MRPL33: variants seen among roughly 807,000 people sequenced by gnomAD.
MRPL33 encodes large ribosomal subunit protein bL33m.
Under a neutral mutation model 10.1 loss-of-function variants are expected in MRPL33, and 5 were observed. The observed-to-expected ratio is 0.49, with a 90% CI of 0.26 to 1.04. The LOEUF is 1.04. MRPL33 is among the 50% of genes least tolerant of loss of function. The probability of loss-of-function intolerance (pLI) is 0.14; values close to 1 mark genes in which losing one functional copy is unlikely to be tolerated. For synonymous variants in MRPL33, 24 were observed against 27.7 expected, an observed-to-expected ratio of 0.87 and a Z score of 0.42; for missense variants, 79 against 78.1, an observed-to-expected ratio of 1.01 and a Z score of -0.04.
chr2:27,778,438 G>T (rs1420518802), intron 3 of MRPL33, among the ~76,000 whole-genome samples: 6 of 150,798 alleles, frequency 4.0e-5, no homozygotes, highest in African/African-American at 1.5e-4. Flanking sequence ...AATAGGTAGG[G>T]GTGTGTGTGT....
At chr2:27,773,320 A>T (rs1339468150) in intron 2 of MRPL33, among the ~76,000 whole-genome samples, 1 of 152,172 alleles carries the variant, frequency 6.6e-6, no homozygotes, top group Non-Finnish European at 1.5e-5. Context: ...AAATCCTTAA[A>T]GCTAGTCTTT....
intron 2 of MRPL33, among the ~76,000 whole-genome samples, chr2:27,773,835 A>G (rs890727705): frequency 3.9e-5 from 6 of 152,246 alleles, no homozygotes; most frequent in Admixed American, 2.0e-4. Flanking sequence ...CATGGTCTAC[A>G]TGGGGAGACA....
At chr2:27,771,846 G>A (rs1677053863) in intron 1 of MRPL33, 47 bp downstream of exon 1, 2 of 1,595,026 alleles carry the variant, frequency 1.3e-6, no homozygotes, top group South Asian at 2.2e-5. Context: ...GAGGGTTAGG[G>A]GGCCGTGACA....
In MRPL33 at chr2:27,772,254, C is replaced by T. The variant is rs148894081; in HGVS notation, c.23-420C>T. 1.8e-4 allele frequency: 43 copies of T among 237,188 alleles called. No homozygotes were observed. In the East Asian group the frequency reaches 4.0e-3, roughly 22 times the overall value. The allele number at this position is 237,188 out of a possible 1,614,324, so 14.7% of individuals were successfully genotyped here. A position where few individuals can be genotyped will look rare whatever the true frequency, so the allele number is the denominator to read the frequency against. ...GCTCTTCTTTACCCTTGGCTGACTT[C>T]CCAGTTAGATTTAGTATCTGGTTTT... On this transcript the variant is annotated intron_variant, in intron 1 of 3. Coordinates refer to ENST00000296102, the MANE Select transcript of MRPL33 (RefSeq NM_004891.4).
Position 27,771,771 on chromosome 2 carries a change from G to A in MRPL33, c.-7G>A. 1 of 1,614,144 alleles carries A rather than the reference G, an allele frequency of 6.2e-7. No individual in the cohort carries two copies. Among genetic ancestry groups the A allele is most frequent in the Non-Finnish European group, 8.5e-7 (1 of 1,179,982 alleles). On this transcript the variant is annotated 5_prime_UTR_variant, in exon 1 of 4. Coordinates refer to ENST00000296102, the MANE Select transcript of MRPL33 (RefSeq NM_004891.4). ...CCGGTGACGGAGACTGCCCAGGTGT[G>A]GTCACCATGTTCCTCTCCGCGGTCT...
At chr2:27,778,046 TAAAAAGATCCCTTATGTACAG>T (rs1677209591) in intron 3 of MRPL33, among the ~76,000 whole-genome samples, 1 of 152,242 alleles carries the variant, frequency 6.6e-6, no homozygotes, top group Non-Finnish European at 1.5e-5. Flanking sequence ...TGAAGTATGT[TAAAAAGATCCCTTATGTACAG>T]TGTATTAATA....
chr2:27,775,630 G>T (rs985584852), intron 3 of MRPL33, among the ~76,000 whole-genome samples: 1 of 152,110 alleles, frequency 6.6e-6, no homozygotes, highest in Non-Finnish European at 1.5e-5. Context: ...GGGATTACAG[G>T]TGTGAGCCAC....
At position 27,774,533 on chromosome 2, in the gene MRPL33, A is replaced by C; in HGVS notation, c.148+3A>C. The C allele has an allele frequency of 2.5e-6, 4 of 1,612,640 alleles. No individual in the cohort carries two copies. The highest frequency in any genetic ancestry group is 1.3e-5 in the African/African-American group (1 of 75,026). On this transcript the variant is annotated splice_donor_region_variant and intron_variant, in intron 3 of 3. Coordinates refer to ENST00000296102, the MANE Select transcript of MRPL33 (RefSeq NM_004891.4). ...TCTTTTGCATTATGATCCAGTTGGT[A>C]AGATCTGGGGAGGTTAATGCTTCCA...
intron 3 of MRPL33, among the ~76,000 whole-genome samples, chr2:27,777,215 T>C (rs903787258): frequency 1.3e-5 from 2 of 152,068 alleles, no homozygotes; most frequent in African/African-American, 4.8e-5. Flanking sequence ...GTTTTTTTTG[T>C]ACAGTGTCTT....
chr2:27,771,993 C>G (rs1053255441), intron 1 of MRPL33, 194 bp downstream of exon 1: 4 of 609,268 alleles, frequency 6.6e-6, no homozygotes, highest in African/African-American at 5.6e-5. Flanking sequence ...CTGTGGGTGC[C>G]TGAGAAGGGG....
intron 2 of MRPL33, among the ~76,000 whole-genome samples, chr2:27,773,082 A>G (rs1321940363): frequency 2.0e-5 from 3 of 152,140 alleles, no homozygotes; most frequent in South Asian, 4.1e-4. Flanking sequence ...AGAAGAACAA[A>G]CTCTGCTTTG....
intron 2 of MRPL33, among the ~76,000 whole-genome samples, chr2:27,773,707 AC>A (rs1677095318): frequency 6.6e-6 from 1 of 152,244 alleles, no homozygotes; most frequent in Admixed American, 6.5e-5. Flanking sequence ...TTAATTACAA[AC>A]AAATACTGTA....
chr2:27,779,663 A>G lies in MRPL33; in HGVS notation c.*181A>G, dbSNP rs766882024. ...GAAAGAAAGTTCTTCATATTAGGAC[A>G]GATATCATTGCATCACATTTATTTA... On this transcript the variant is annotated 3_prime_UTR_variant, in exon 4 of 4. Coordinates refer to ENST00000296102, the MANE Select transcript of MRPL33 (RefSeq NM_004891.4). The G allele has an allele frequency of 8.7e-7, 1 of 1,153,534 alleles. No homozygotes were observed. Among genetic ancestry groups the G allele is most frequent in the Non-Finnish European group, 1.2e-6 (1 of 834,274 alleles). The allele number at this position is 1,153,534 out of a possible 1,614,324, so 71.5% of individuals were successfully genotyped here.
chr2:27,771,777 C>T lies in MRPL33; in HGVS notation c.-1C>T, dbSNP rs1227372199. 3.7e-6 allele frequency: 6 copies of T among 1,613,992 alleles called. No individual in the cohort carries two copies. In the African/African-American group the frequency reaches 6.7e-5, roughly 18 times the overall value. ...ACGGAGACTGCCCAGGTGTGGTCAC[C>T]ATGTTCCTCTCCGCGGTCTTCTGTA... On this transcript the variant is annotated 5_prime_UTR_variant, in exon 1 of 4. Coordinates refer to ENST00000296102, the MANE Select transcript of MRPL33 (RefSeq NM_004891.4).
rs537107476 is a variant in MRPL33, at chr2:27,779,690, C to G, written c.*208C>G. ...ATATCATTGCATCACATTTATTTAT[C>G]TTTCTGGGTATTTTTATAGCCCTTA... On this transcript the variant is annotated 3_prime_UTR_variant, in exon 4 of 4. Transcript: ENST00000296102. 1.1e-6 allele frequency: 1 copy of G among 931,242 alleles called. No individual in the cohort carries two copies. The highest frequency in any genetic ancestry group is 2.4e-5 in the South Asian group (1 of 41,974). The allele number at this position is 931,242 out of a possible 1,614,324, so 57.7% of individuals were successfully genotyped here.
intron 3 of MRPL33, among the ~76,000 whole-genome samples, chr2:27,776,063 G>T (rs1677143744): frequency 6.6e-6 from 1 of 152,206 alleles, no homozygotes. Context: ...TAGTATGGAG[G>T]TATTAGGAAC....
At chr2:27,778,366 G>A (rs1343995313) in intron 3 of MRPL33, among the ~76,000 whole-genome samples, 2 of 152,018 alleles carry the variant, frequency 1.3e-5, no homozygotes, top group African/African-American at 4.8e-5. Flanking sequence ...TAAGTTCCTG[G>A]ATCTTCCTTG....
intron 2 of MRPL33, among the ~76,000 whole-genome samples, chr2:27,773,116 G>A (rs1452680815): frequency 6.6e-6 from 1 of 152,214 alleles, no homozygotes; most frequent in Non-Finnish European, 1.5e-5. Context: ...CTGTTTTAAT[G>A]AGTTTTGTAA....
At chr2:27,772,011 T>C in intron 1 of MRPL33, 5 of 545,390 alleles carry the variant, frequency 9.2e-6, no homozygotes, top group Non-Finnish European at 1.6e-5. Context: ...GGGTCTGCGG[T>C]GTCTGGATTC....
Sources: allele counts gnomAD v4.1 joint callset (sites outside exome capture counted in the v4.1 genomes callset), GRCh38; gene constraint gnomAD v4.1.1; transcripts MANE v1.5; gene names NCBI Gene and HGNC (gene_info 2026-07-23, HGNC 2026-07-21).